The following UPP2 variants were observed in gnomAD, a reference collection of about 807,000 sequenced individuals.
The protein encoded by UPP2 is UPase 2.
UPP2 carries 23 observed loss-of-function variants against 26.7 expected under a neutral mutation model. The ratio of observed to expected loss-of-function variants is 0.86; its 90% CI spans 0.62 to 1.22. The LOEUF (loss-of-function observed/expected upper bound fraction) is 1.22, where lower values mean the gene tolerates loss of function less well. Among genes scored for constraint, UPP2 ranks in the 50% most tolerant of loss-of-function variants. The pLI, the probability that UPP2 is intolerant of heterozygous loss-of-function variation, is 0.00. For synonymous variants in UPP2, 127 were observed against 141.3 expected (o/e 0.90, Z 0.72); for missense variants, 387 against 396.7 (o/e 0.98, Z 0.21).
chr2:158,037,217 A>G (rs1371356103), intron 3 of UPP2, among the ~76,000 whole-genome samples: 6 of 149,516 alleles, frequency 4.0e-5, no homozygotes, highest in Admixed American at 4.0e-4. Context: ...TACTAAAAAT[A>G]CAAAAAAATT....
At chr2:158,039,240 G>A (rs773201133) in intron 3 of UPP2, among the ~76,000 whole-genome samples, 2 of 152,162 alleles carry the variant, frequency 1.3e-5, no homozygotes, top group Non-Finnish European at 2.9e-5. Flanking sequence ...AGACCCACAG[G>A]TGGTAGAAAG....
chr2:158,027,043 A>G (rs757518745), intron 3 of UPP2, among the ~76,000 whole-genome samples: 1 of 152,194 alleles, frequency 6.6e-6, no homozygotes, highest in Non-Finnish European at 1.5e-5. Context: ...ATGGGAGTAC[A>G]ATTCAAGATG....
chr2:158,056,364 C>T (rs1254660690), intron 3 of UPP2, among the ~76,000 whole-genome samples: 2 of 151,904 alleles, frequency 1.3e-5, no homozygotes, highest in Non-Finnish European at 2.9e-5. Context: ...TTATTATTGA[C>T]TACAGTCTAT....
At chr2:158,085,906 G>A (rs993725215) in intron 3 of UPP2, among the ~76,000 whole-genome samples, 2 of 152,082 alleles carry the variant, frequency 1.3e-5, no homozygotes, top group African/African-American at 2.4e-5. Flanking sequence ...AGTTAATCTA[G>A]TATTTTATTG....
chr2:158,097,392 T>TAG (rs1255807939), upstream of UPP2, among the ~76,000 whole-genome samples: 2 of 151,900 alleles, frequency 1.3e-5, no homozygotes, highest in African/African-American at 4.8e-5. Flanking sequence ...TATATATATA[T>TAG]ATAGAGAGAG....
At chr2:158,133,675 T>C (rs1335439368) in intron 6 of UPP2, 1 of 152,188 alleles carries the variant, frequency 6.6e-6, no homozygotes, top group Non-Finnish European at 1.5e-5. Flanking sequence ...GCATGTACTA[T>C]TATAATTACA....
intron 4 of UPP2, among the ~76,000 whole-genome samples, chr2:158,119,537 C>T (rs1683515872): frequency 6.6e-6 from 1 of 152,036 alleles, no homozygotes; most frequent in Admixed American, 6.6e-5. Context: ...GCATAAACTA[C>T]TCAGTTAAAT....
chr2:158,006,419 A>G (rs971439246), intron 2 of UPP2, among the ~76,000 whole-genome samples: 2 of 150,280 alleles, frequency 1.3e-5, no homozygotes, highest in African/African-American at 2.4e-5. Flanking sequence ...GGCTCTTGCA[A>G]TGAGCCGAGA....
Position 158,106,114 on chromosome 2 carries a change from C to T in UPP2, c.78C>T (p.His26=), listed in dbSNP as rs759760297. 9 of 1,596,044 alleles carry T rather than the reference C, an allele frequency of 5.6e-6. No individual in the cohort carries two copies. The highest frequency in any genetic ancestry group is 4.5e-5 in the East Asian group (2 of 44,260). ...TTTTTTCCAGAAAAAGGTTTGTTCA[C>T]GTTAAAAATCCTTACTTGGATTTGA... The part of the protein sequence containing the change: ...RNTYVGKRFV[H]VKNPYLDLMD... The change falls in exon 2 of 7, where the codon CAC becomes CAT. Residue 26 remains histidine (H), a synonymous_variant. Coordinates refer to ENST00000005756, the MANE Select transcript of UPP2 (RefSeq NM_173355.4).
At chr2:158,056,031 A>C (rs1682240851) in intron 3 of UPP2, among the ~76,000 whole-genome samples, 1 of 152,170 alleles carries the variant, frequency 6.6e-6, no homozygotes, top group Non-Finnish European at 1.5e-5. Context: ...CTAAACTGGG[A>C]GGCATGATGC....
intron 3 of UPP2, among the ~76,000 whole-genome samples, chr2:158,086,211 T>TC (rs1401139596): frequency 6.6e-6 from 1 of 152,144 alleles, no homozygotes; most frequent in African/African-American, 2.4e-5. Flanking sequence ...TTTCTATTTA[T>TC]TCCTGGTTTA....
intron 3 of UPP2, among the ~76,000 whole-genome samples, chr2:158,053,589 G>T (rs1682193279): frequency 6.6e-6 from 1 of 152,176 alleles, no homozygotes; most frequent in Non-Finnish European, 1.5e-5. Context: ...CAAATGGATG[G>T]ATGGATGGAA....
intron 2 of UPP2, among the ~76,000 whole-genome samples, chr2:158,106,588 TA>T (rs923030770): frequency 6.6e-6 from 1 of 152,188 alleles, no homozygotes; most frequent in African/African-American, 2.4e-5. Flanking sequence ...TATTAACTCA[TA>T]AAAATAACCC....
chr2:158,124,520 T>A (rs1683650594), intron 6 of UPP2, among the ~76,000 whole-genome samples: 1 of 152,108 alleles, frequency 6.6e-6, no homozygotes. Flanking sequence ...AATAGAGAGG[T>A]GGCTGGATCT....
chr2:158,053,706 A>G (rs139140252), intron 3 of UPP2, among the ~76,000 whole-genome samples: 3 of 152,266 alleles, frequency 2.0e-5, no homozygotes, highest in African/African-American at 7.2e-5. Flanking sequence ...GAAGCTATAG[A>G]TTAGGTTTTC....
At chr2:158,102,224 T>C in intron 1 of UPP2, 99 bp downstream of exon 1, 8 of 1,298,040 alleles carry the variant, frequency 6.2e-6, no homozygotes, top group Non-Finnish European at 8.3e-6. Context: ...GTTAAGCAAA[T>C]TTCTTAAATG....
chr2:158,092,997 T>G (rs1018299137), intron 3 of UPP2, among the ~76,000 whole-genome samples: 5 of 152,138 alleles, frequency 3.3e-5, no homozygotes, highest in Non-Finnish European at 7.4e-5. Context: ...CTCGGCTCAC[T>G]GCAACCTCCG....
chr2:158,067,396 G>A (rs1338011921), intron 3 of UPP2, among the ~76,000 whole-genome samples: 2 of 150,424 alleles, frequency 1.3e-5, no homozygotes, highest in Admixed American at 6.6e-5. Flanking sequence ...GAGAGAGAGA[G>A]AAAAAGAAAC....
chr2:158,047,972 T>G (rs1235569359), intron 3 of UPP2, among the ~76,000 whole-genome samples: 1 of 152,118 alleles, frequency 6.6e-6, no homozygotes, highest in East Asian at 1.9e-4. Flanking sequence ...GAGAGAAGTA[T>G]GTACAGTGAG....
Sources: allele counts gnomAD v4.1 joint callset (sites outside exome capture counted in the v4.1 genomes callset), GRCh38; gene constraint gnomAD v4.1.1; transcripts MANE v1.5; gene names NCBI Gene and HGNC (gene_info 2026-07-23, HGNC 2026-07-21).